DPP6: variants seen among roughly 807,000 people sequenced by gnomAD.
DPP6 encodes A-type potassium channel modulatory protein DPP6.
In DPP6, 69 loss-of-function variants were observed where a neutral mutation model predicts 122.6. The ratio of observed to expected loss-of-function variants is 0.56; its 90% CI spans 0.46 to 0.69. DPP6 has a LOEUF of 0.69. Ranked by LOEUF, DPP6 falls within the 30% of genes least tolerant of loss-of-function variation. DPP6 has a pLI of 0.00. For synonymous variants in DPP6, 418 were observed against 433.1 expected, an observed-to-expected ratio of 0.97 and a Z score of 0.43; for missense variants, 928 against 1,116.9, an observed-to-expected ratio of 0.83 and a Z score of 2.41.
At chr7:154,217,040 A>C (rs373059966) in intron 1 of DPP6, among the ~76,000 whole-genome samples, 32 of 151,984 alleles carry the variant, frequency 2.1e-4, no homozygotes, top group African/African-American at 7.7e-4. Flanking sequence ...AGAAATGCTT[A>C]CCTTGTCCAA....
intron 1 of DPP6, among the ~76,000 whole-genome samples, chr7:153,959,141 G>C (rs1417430017): frequency 6.7e-6 from 1 of 149,380 alleles, no homozygotes; most frequent in Non-Finnish European, 1.5e-5. Flanking sequence ...AAGGGAAAGA[G>C]AATGACAATA....
Position 154,060,410 on chromosome 7 carries a change from G to A in DPP6, c.243+7347G>A, listed in dbSNP as rs572893844. On this transcript the variant is annotated intron_variant, in intron 1 of 25. Coordinates refer to ENST00000377770, the MANE Select transcript of DPP6 (RefSeq NM_130797.4). ...TGGCTCTTAGGACCCCCATCGCAGA[G>A]GGGGGAGGCACCCCCCGCGAGGCGG... 4.9e-4 allele frequency among the ~76,000 whole-genome samples: 57 copies of A among 117,106 alleles called. 2 individuals carry two copies. Among genetic ancestry groups the A allele is most frequent in the African/African-American group, 1.1e-3 (31 of 28,906 alleles). 76.8% of individuals were successfully genotyped at this position (117,106 alleles called of 152,430 possible).
Position 154,863,869 on chromosome 7 carries a change from A to G in DPP6, c.1715-4126A>G, listed in dbSNP as rs1803628253. Among the ~76,000 whole-genome samples the G allele has an allele frequency of 6.6e-6, 1 of 152,128 alleles. No homozygotes were observed. The highest frequency in any genetic ancestry group is 1.5e-5 in the Non-Finnish European group (1 of 68,032). The stretch of plus-strand genomic sequence containing the variant: ...CCAGTTAAGGTGAGTAAGTTTAAAC[A>G]GTAGTCATGCGGGCTCTGGGCCTGA... On this transcript the variant is annotated intron_variant, in intron 17 of 25. Coordinates refer to ENST00000377770, the MANE Select transcript of DPP6 (RefSeq NM_130797.4). The surrounding 1 kb of genome is among the most constrained non-coding windows in gnomAD (Gnocchi z 4.1).
chr7:154,860,142 G>A (rs1458528981), intron 17 of DPP6, among the ~76,000 whole-genome samples: 1 of 152,214 alleles, frequency 6.6e-6, no homozygotes, highest in East Asian at 1.9e-4. Context: ...GCCAGATGCA[G>A]TTGGTTTCCA....
chr7:154,872,434 G>A (rs566494752), intron 18 of DPP6, among the ~76,000 whole-genome samples, 190 bp from the exon 19 acceptor site: 227 of 152,344 alleles, frequency 1.5e-3, no homozygotes, highest in Non-Finnish European at 1.8e-3. Flanking sequence ...CACACAGGTC[G>A]GGTGACTTGC....
intron 1 of DPP6, among the ~76,000 whole-genome samples, chr7:154,073,498 T>C (rs1439320014): frequency 6.6e-6 from 1 of 152,268 alleles, no homozygotes; most frequent in Non-Finnish European, 1.5e-5. Flanking sequence ...AGTTATTCAC[T>C]TAAGTGTCGG....
rs777909835 is a variant in DPP6 at position 154,241,362 on chromosome 7, C to G, written c.243+188299C>G. Among the ~76,000 whole-genome samples, 1 of 151,782 alleles carries G rather than the reference C, an allele frequency of 6.6e-6. No homozygotes were observed. The highest frequency in any genetic ancestry group is 1.5e-5 in the Non-Finnish European group (1 of 67,962). ...CCTTCCTGTGTTTCCCTGTTTTATC[C>G]AAATTCTCAGTGTTTTTAAAGATCC... On this transcript the variant is annotated intron_variant, in intron 1 of 25. Transcript: ENST00000377770. This position sits in a 1 kb window ranked among gnomAD's most constrained non-coding sequence, Gnocchi z 9.0.
intron 1 of DPP6, among the ~76,000 whole-genome samples, chr7:154,427,921 A>C (rs1021322647): frequency 6.6e-5 from 10 of 152,240 alleles, no homozygotes; most frequent in Non-Finnish European, 1.5e-4. Context: ...AGAACATTTT[A>C]TTAAGCAAGG....
intron 1 of DPP6, among the ~76,000 whole-genome samples, chr7:154,035,829 G>T (rs2533781): frequency 6.6e-6 from 1 of 152,174 alleles, no homozygotes; most frequent in Non-Finnish European, 1.5e-5. Flanking sequence ...TAGTAGTACC[G>T]TATATTTATT....
chr7:154,584,770 G>T (rs1186870176), intron 5 of DPP6, among the ~76,000 whole-genome samples: 1 of 152,188 alleles, frequency 6.6e-6, no homozygotes, highest in Non-Finnish European at 1.5e-5. Flanking sequence ...AACCTGCTTT[G>T]CAGCCAGTCG....
rs1554470687 is a variant in DPP6 at position 154,127,674 on chromosome 7, C to CAT, written c.243+74612_243+74613insTA. Among the ~76,000 whole-genome samples the CAT allele has an allele frequency of 5.5e-3, 816 of 147,976 alleles. 8 individuals carry two copies. The highest frequency in any genetic ancestry group is 0.019 in the African/African-American group (758 of 39,706). ...ACAGACACACACACACACACACACA[C>CAT]ACAAAACAGCTCTTTCTGAGGTTGG... On this transcript the variant is annotated intron_variant, in intron 1 of 25. Transcript: ENST00000377770.
intron 5 of DPP6, among the ~76,000 whole-genome samples, chr7:154,569,826 G>T (rs564488010): frequency 6.4e-4 from 97 of 151,796 alleles, no homozygotes; most frequent in African/African-American, 2.3e-3. Context: ...CAAAGATACT[G>T]GACTTGGAAG....
chr7:154,425,626 GTGT>G lies in DPP6; in HGVS notation c.244-20587_244-20585del, dbSNP rs1563648856. On this transcript the variant is annotated intron_variant, in intron 1 of 25. Coordinates refer to ENST00000377770, the MANE Select transcript of DPP6 (RefSeq NM_130797.4). ...AAAATGTGTGTGTGTGTGTGGGTGT[GTGT>G]GTGTGTGTGTGTGTGTGTGTGTGTG... Among the ~76,000 whole-genome samples, 466 of 141,552 alleles carry G rather than the reference GTGT, an allele frequency of 3.3e-3. 4 individuals carry two copies. Among genetic ancestry groups the G allele is most frequent in the African/African-American group, 0.011 (450 of 39,710 alleles). 92.9% of individuals were successfully genotyped at this position (141,552 alleles called of 152,430 possible).
rs1310478201 is a variant in DPP6 at position 154,870,143 on chromosome 7, A to ATT, written c.1813+2051_1813+2052dup. Among the ~76,000 whole-genome samples the ATT allele has an allele frequency of 1.4e-4, 15 of 110,914 alleles. No individual in the cohort carries two copies. The East Asian group carries it at 2.2e-3, about 16-fold the overall frequency. The allele number at this position is 110,914 out of a possible 152,430, so 72.8% of individuals were successfully genotyped here. On this transcript the variant is annotated intron_variant, in intron 18 of 25. Coordinates refer to ENST00000377770, the MANE Select transcript of DPP6 (RefSeq NM_130797.4). ...CACAGGCAGGCCACATGCCCAACTAATTCTTTTTTTTTTTTTTTTTTCGTA... is the reference window on the plus strand; with the variant it reads ...CACAGGCAGGCCACATGCCCAACTAATTTTCTTTTTTTTTTTTTTTTTTCGTA...
chr7:154,532,839 T>C (rs1441147148), intron 3 of DPP6, among the ~76,000 whole-genome samples: 1 of 152,176 alleles, frequency 6.6e-6, no homozygotes, highest in African/African-American at 2.4e-5. Context: ...ACCTTGGCAG[T>C]GGAGGAAATA....
intron 22 of DPP6, 78 bp from the exon 23 acceptor site, chr7:154,887,598 G>T (rs775335346): frequency 2.2e-4 from 318 of 1,461,182 alleles, no homozygotes; most frequent in Non-Finnish European, 2.9e-4. Flanking sequence ...CCGGTCCAGG[G>T]CCCTCCCTAG....
At chr7:154,698,934 C>A (rs771185207) in intron 7 of DPP6, among the ~76,000 whole-genome samples, 32 of 152,102 alleles carry the variant, frequency 2.1e-4, no homozygotes, top group Non-Finnish European at 4.4e-4. Flanking sequence ...AGCCAGAGGA[C>A]TCCAAAACCT....
intron 1 of DPP6, among the ~76,000 whole-genome samples, chr7:154,363,551 T>C (rs929249722): frequency 1.3e-5 from 2 of 152,236 alleles, no homozygotes; most frequent in Non-Finnish European, 1.5e-5. Flanking sequence ...AGGCTGAGGC[T>C]AGGGGAGCTG....
At chr7:154,361,194 A>C (rs1016819163) in intron 1 of DPP6, among the ~76,000 whole-genome samples, 1 of 152,222 alleles carries the variant, frequency 6.6e-6, no homozygotes, top group African/African-American at 2.4e-5. Flanking sequence ...GAGTGTGCCT[A>C]CTGGATAGTT....
Sources: allele counts gnomAD v4.1 joint callset (sites outside exome capture counted in the v4.1 genomes callset), GRCh38; gene constraint gnomAD v4.1.1; non-coding constraint Gnocchi (gnomAD v3.1); transcripts MANE v1.5; gene names NCBI Gene and HGNC (gene_info 2026-07-23, HGNC 2026-07-21).